The following NKAIN2 variants were observed in gnomAD, a reference collection of about 807,000 sequenced individuals.
NKAIN2 encodes the protein sodium/potassium-transporting ATPase subunit beta-1-interacting protein 2.
A neutral mutation model predicts 32.6 loss-of-function variants in NKAIN2; 14 were observed. The ratio of observed to expected loss-of-function variants is 0.43; its 90% CI spans 0.28 to 0.67. NKAIN2 has a LOEUF of 0.67. Among genes scored for constraint, NKAIN2 ranks in the 30% least tolerant of loss-of-function variants. NKAIN2 has a pLI of 0.17. For missense variants in NKAIN2, 198 were observed against 258.3 expected, an observed-to-expected ratio of 0.77 and a Z score of 1.60; for synonymous variants, 80 against 87.2, an observed-to-expected ratio of 0.92 and a Z score of 0.46.
At position 124,353,356 on chromosome 6, in the gene NKAIN2, T is replaced by TG. The variant is rs529428625; in HGVS notation, c.193-1909dup. ...GCACTAAGCAGGGCTCAGCCAATTCTGGTTCGGAATCATGAGGGAGGTGAT... is the reference window on the plus strand; with the variant it reads ...GCACTAAGCAGGGCTCAGCCAATTCTGGGTTCGGAATCATGAGGGAGGTGAT... On this transcript the variant is annotated intron_variant, in intron 2 of 6. Transcript: ENST00000368417. 1.2e-3 allele frequency among the ~76,000 whole-genome samples: 182 copies of TG among 152,300 alleles called. 1 individual carries two copies. Among genetic ancestry groups the TG allele is most frequent in the African/African-American group, 4.3e-3 (178 of 41,576 alleles).
At chr6:124,562,966 G>A (rs959387458) in intron 3 of NKAIN2, among the ~76,000 whole-genome samples, 1 of 149,462 alleles carries the variant, frequency 6.7e-6, no homozygotes, top group Non-Finnish European at 1.5e-5. Context: ...CTGCAATGGC[G>A]CGATCTCAGC....
At chr6:124,154,466 A>G (rs917121120) in intron 1 of NKAIN2, among the ~76,000 whole-genome samples, 2 of 151,932 alleles carry the variant, frequency 1.3e-5, no homozygotes, top group Admixed American at 6.6e-5. Context: ...TATTAAGTTA[A>G]GTAGATAACT....
intron 1 of NKAIN2, among the ~76,000 whole-genome samples, chr6:124,133,019 G>T (rs775745990): frequency 6.6e-6 from 1 of 152,168 alleles, no homozygotes; most frequent in Non-Finnish European, 1.5e-5. Flanking sequence ...GGACACAATT[G>T]CAGTACTGGG....
chr6:123,829,427 A>G (rs1018917420), intron 1 of NKAIN2: 8 of 152,228 alleles, frequency 5.3e-5, no homozygotes, highest in Non-Finnish European at 1.0e-4. Context: ...TTCCATTGGT[A>G]TAACATGATA....
intron 2 of NKAIN2, among the ~76,000 whole-genome samples, chr6:124,300,582 G>A (rs1308956240): frequency 6.6e-6 from 1 of 152,202 alleles, no homozygotes; most frequent in Non-Finnish European, 1.5e-5. Context: ...AGTCTCAGAA[G>A]AAGATAAGAA....
At chr6:124,168,097 A>G (rs1358991882) in intron 1 of NKAIN2, among the ~76,000 whole-genome samples, 1 of 152,218 alleles carries the variant, frequency 6.6e-6, no homozygotes, top group Non-Finnish European at 1.5e-5. Flanking sequence ...AAGCAAAATC[A>G]AATTAGTATC....
At chr6:124,266,639 C>T (rs534443510) in intron 1 of NKAIN2, among the ~76,000 whole-genome samples, 6 of 152,256 alleles carry the variant, frequency 3.9e-5, no homozygotes, top group Admixed American at 2.6e-4. Context: ...CCCTAAGAAA[C>T]GTAGCTGATT....
chr6:124,428,985 T>C lies in NKAIN2; in HGVS notation c.273+73638T>C, dbSNP rs541319946. Among the ~76,000 whole-genome samples the C allele has an allele frequency of 2.0e-5, 3 of 152,320 alleles. No homozygotes were observed. In the South Asian group the frequency reaches 6.2e-4, roughly 32 times the overall value. On this transcript the variant is annotated intron_variant, in intron 3 of 6. Transcript: ENST00000368417. ...GCAGAACTAGCTACTTTCTGTTTTCTGAATATGAATGTTGATATCCATTTG... is the reference window on the plus strand; with the variant it reads ...GCAGAACTAGCTACTTTCTGTTTTCCGAATATGAATGTTGATATCCATTTG...
At chr6:124,730,804 C>T (rs1358932969) in intron 4 of NKAIN2, among the ~76,000 whole-genome samples, 10 of 151,634 alleles carry the variant, frequency 6.6e-5, no homozygotes, top group African/African-American at 2.2e-4. Context: ...TTTTTGCAAC[C>T]TACTCATCTG....
chr6:124,632,706 A>ATACT (rs777163474), intron 3 of NKAIN2, among the ~76,000 whole-genome samples: 42 of 152,176 alleles, frequency 2.8e-4, no homozygotes, highest in Non-Finnish European at 6.0e-4. Flanking sequence ...ATAGATACAT[A>ATACT]TACTTAAAAG....
At chr6:124,144,430 C>T in intron 1 of NKAIN2, among the ~76,000 whole-genome samples, 1 of 152,086 alleles carries the variant, frequency 6.6e-6, no homozygotes, top group East Asian at 1.9e-4. Flanking sequence ...ACTGGTTATA[C>T]TTACAGAAGA....
intron 3 of NKAIN2, among the ~76,000 whole-genome samples, chr6:124,644,176 A>T (rs1011550936): frequency 1.3e-5 from 2 of 152,154 alleles, no homozygotes; most frequent in South Asian, 2.1e-4. Context: ...CATGACTAAA[A>T]ATGGGGTCCT....
intron 1 of NKAIN2, among the ~76,000 whole-genome samples, chr6:123,941,660 C>A (rs1776831689): frequency 6.6e-6 from 1 of 151,954 alleles, no homozygotes; most frequent in Admixed American, 6.6e-5. Flanking sequence ...CAGCATCAAG[C>A]AAAACAATTC....
chr6:124,300,183 G>A (rs557327629), intron 2 of NKAIN2, among the ~76,000 whole-genome samples: 17 of 152,142 alleles, frequency 1.1e-4, no homozygotes, highest in South Asian at 4.1e-4. Flanking sequence ...AAGTGGGGGG[G>A]CCAGGTGGAG....
chr6:124,781,835 C>T (rs772598148), intron 4 of NKAIN2, among the ~76,000 whole-genome samples: 3 of 152,084 alleles, frequency 2.0e-5, no homozygotes, highest in African/African-American at 7.2e-5. Flanking sequence ...ATAGACTTGA[C>T]GGGCCTTTTA....
At position 124,747,501 on chromosome 6, in the gene NKAIN2, GA is replaced by G. The variant is rs1777500230; in HGVS notation, c.475-43837del. Among the ~76,000 whole-genome samples, 3 of 151,838 alleles carry G rather than the reference GA, an allele frequency of 2.0e-5. No individual in the cohort carries two copies. In the South Asian group the frequency reaches 6.2e-4, roughly 31 times the overall value. Reference sequence around the variant, plus strand: ...GGATTTCCCCAGCTGCACCTTATCAGAGAACAGCTTAGTGTGAAGGAGAGAA... The same window carrying G: ...GGATTTCCCCAGCTGCACCTTATCAGGAACAGCTTAGTGTGAAGGAGAGAA... On this transcript the variant is annotated intron_variant, in intron 4 of 6. Coordinates refer to ENST00000368417, the MANE Select transcript of NKAIN2 (RefSeq NM_001040214.3).
At chr6:123,957,629 T>C in intron 1 of NKAIN2, among the ~76,000 whole-genome samples, 1 of 152,208 alleles carries the variant, frequency 6.6e-6, no homozygotes, top group East Asian at 1.9e-4. Context: ...CCTAACACAA[T>C]CTTTGTTTTC....
intron 1 of NKAIN2, among the ~76,000 whole-genome samples, chr6:124,235,592 T>A (rs1261663957): frequency 8.9e-6 from 1 of 112,134 alleles, no homozygotes; most frequent in Non-Finnish European, 2.0e-5. Flanking sequence ...TTTGTTTTTG[T>A]TTTTTTGTTG....
intron 4 of NKAIN2, among the ~76,000 whole-genome samples, chr6:124,691,523 G>A (rs78278871): frequency 0.04 from 6,087 of 151,942 alleles, 174 homozygotes; most frequent in Middle Eastern, 0.071. Context: ...GTCCATTACC[G>A]CCCCCCGCCC....
Sources: allele counts gnomAD v4.1 joint callset (sites outside exome capture counted in the v4.1 genomes callset), GRCh38; gene constraint gnomAD v4.1.1; transcripts MANE v1.5; gene names NCBI Gene and HGNC (gene_info 2026-07-23, HGNC 2026-07-21).